The following RGS6 variants were observed in gnomAD, a reference collection of about 807,000 sequenced individuals.
The protein encoded by RGS6 is regulator of G-protein signaling 6.
A neutral mutation model predicts 78.5 loss-of-function variants in RGS6; 30 were observed. The ratio of observed to expected loss-of-function variants is 0.38; its 90% confidence interval spans 0.29 to 0.52. RGS6 has a LOEUF of 0.52. Among genes scored for constraint, RGS6 ranks in the 20% least tolerant of loss-of-function variants. The pLI is 0.85. For synonymous variants in RGS6, 206 were observed against 206.0 expected, an observed-to-expected ratio of 1.00 and a Z score of 0.00; for missense variants, 495 against 609.7, an observed-to-expected ratio of 0.81 and a Z score of 1.98.
chr14:72,204,400 A>C (rs977741091), intron 2 of RGS6, among the ~76,000 whole-genome samples: 1 of 152,206 alleles, frequency 6.6e-6, no homozygotes, highest in Non-Finnish European at 1.5e-5. Flanking sequence ...AGGCAGTCCC[A>C]GAAGCTGCCT....
the RGS6 span, among the ~76,000 whole-genome samples, chr14:72,587,708 C>G: frequency 2.0e-5 from 3 of 152,162 alleles, no homozygotes; most frequent in Non-Finnish European, 2.9e-5. Context: ...GATTCATCCC[C>G]TGGCCCAGCC....
At chr14:72,399,969 A>G (rs1336659700) in intron 3 of RGS6, among the ~76,000 whole-genome samples, 1 of 152,218 alleles carries the variant, frequency 6.6e-6, no homozygotes, top group Non-Finnish European at 1.5e-5. Context: ...ACTCTGCAGG[A>G]TATTATCCAA....
intron 3 of RGS6, among the ~76,000 whole-genome samples, chr14:72,397,115 G>T (rs1452759976): frequency 6.6e-6 from 1 of 152,186 alleles, no homozygotes; most frequent in Non-Finnish European, 1.5e-5. Flanking sequence ...GGATGGCATT[G>T]AATCTATAAA....
intron 2 of RGS6, among the ~76,000 whole-genome samples, chr14:72,327,888 T>C (rs1228653958): frequency 6.6e-6 from 1 of 152,020 alleles, no homozygotes; most frequent in Non-Finnish European, 1.5e-5. Flanking sequence ...ATTTACGTTA[T>C]ATATAACAAT....
At chr14:72,382,622 C>T (rs1164273499) in intron 3 of RGS6, among the ~76,000 whole-genome samples, 1 of 152,164 alleles carries the variant, frequency 6.6e-6, no homozygotes, top group Non-Finnish European at 1.5e-5. Flanking sequence ...AACAATTGTG[C>T]AAGTGATTGA....
At chr14:72,410,400 C>G (rs908942375) in intron 3 of RGS6, among the ~76,000 whole-genome samples, 4 of 152,196 alleles carry the variant, frequency 2.6e-5, no homozygotes, top group African/African-American at 9.7e-5. Flanking sequence ...CCTTTGCCCA[C>G]TTGTTGATGG....
chr14:72,232,721 G>A (rs1049896850), intron 2 of RGS6, among the ~76,000 whole-genome samples: 1 of 152,170 alleles, frequency 6.6e-6, no homozygotes, highest in Admixed American at 6.5e-5. Context: ...ATTGACCATG[G>A]GCTAGGGGTT....
At chr14:72,008,781 C>A (rs1408841013) in intron 2 of RGS6, among the ~76,000 whole-genome samples, 1 of 152,040 alleles carries the variant, frequency 6.6e-6, no homozygotes, top group Non-Finnish European at 1.5e-5. Flanking sequence ...TGATGCAGAC[C>A]AGATTGACAG....
intron 2 of RGS6, among the ~76,000 whole-genome samples, chr14:72,005,661 A>G (rs893997213): frequency 6.6e-6 from 1 of 152,156 alleles, no homozygotes; most frequent in African/African-American, 2.4e-5. Flanking sequence ...ATCTCAGTGC[A>G]CTTGCCTGAC....
chr14:72,410,897 C>T (rs1251479285), intron 3 of RGS6, among the ~76,000 whole-genome samples: 1 of 152,140 alleles, frequency 6.6e-6, no homozygotes, highest in African/African-American at 2.4e-5. Context: ...AGCATTATTT[C>T]TGAGGGCTCT....
At position 72,229,603 on chromosome 14, in the gene RGS6, G is replaced by T. The variant is rs371728887; in HGVS notation, c.85-122492G>T. On this transcript the variant is annotated intron_variant, in intron 2 of 17. Coordinates refer to ENST00000553525, the MANE Select transcript of RGS6 (RefSeq NM_001204424.2). ...ACTGACAGAGTCATTTAGGGCCTTT[G>T]TCCCACATTTCTGGGAAATTTGTTT... Among the ~76,000 whole-genome samples, 3 of 152,300 alleles carry T rather than the reference G, an allele frequency of 2.0e-5. No homozygotes were observed. In the South Asian group the frequency reaches 6.2e-4, roughly 32 times the overall value.
chr14:72,300,972 T>C (rs1212955820), intron 2 of RGS6, among the ~76,000 whole-genome samples: 1 of 152,198 alleles, frequency 6.6e-6, no homozygotes, highest in Non-Finnish European at 1.5e-5. Context: ...AAAAGAAGTG[T>C]TGTAGTTCGC....
At chr14:72,578,271 G>A in the RGS6 span, among the ~76,000 whole-genome samples, 1 of 152,026 alleles carries the variant, frequency 6.6e-6, no homozygotes, top group Non-Finnish European at 1.5e-5. Context: ...CCTTCCATAG[G>A]ACATGCCTCC....
chr14:72,001,798 C>T (rs908051496), intron 2 of RGS6, among the ~76,000 whole-genome samples: 1 of 151,040 alleles, frequency 6.6e-6, no homozygotes, highest in African/African-American at 2.4e-5. Context: ...CCCTAAGTTA[C>T]GTTTCTCTGG....
intron 3 of RGS6, among the ~76,000 whole-genome samples, chr14:72,372,375 A>C (rs192843155): frequency 5.1e-4 from 78 of 152,328 alleles, no homozygotes; most frequent in African/African-American, 1.9e-3. Context: ...CACTTAATTC[A>C]GGTTCTATGA....
chr14:72,104,006 T>A (rs947000606), intron 2 of RGS6, among the ~76,000 whole-genome samples: 5 of 152,256 alleles, frequency 3.3e-5, no homozygotes, highest in East Asian at 1.9e-4. Context: ...TTTGCTATTT[T>A]TTATTATTAT....
intron 2 of RGS6, among the ~76,000 whole-genome samples, chr14:72,318,793 A>T (rs1430623600): frequency 6.6e-6 from 1 of 152,102 alleles, no homozygotes; most frequent in African/African-American, 2.4e-5. Flanking sequence ...CCTGGACCCT[A>T]CCTGCTACCA....
intron 2 of RGS6, among the ~76,000 whole-genome samples, chr14:72,048,952 A>G (rs1489198012): frequency 6.6e-6 from 1 of 152,166 alleles, no homozygotes; most frequent in Non-Finnish European, 1.5e-5. Flanking sequence ...TTGCCTATTC[A>G]TATTAAGAGA....
At chr14:71,925,541 A>G in the RGS6 span, among the ~76,000 whole-genome samples, 1 of 152,022 alleles carries the variant, frequency 6.6e-6, no homozygotes, top group East Asian at 1.9e-4. Context: ...TTTCTGGTCT[A>G]TGTTTAGGTC....
Sources: allele counts gnomAD v4.1 joint callset (sites outside exome capture counted in the v4.1 genomes callset), GRCh38; gene constraint gnomAD v4.1.1; transcripts MANE v1.5; gene names NCBI Gene and HGNC (gene_info 2026-07-23, HGNC 2026-07-21).